Variants in PRELID2 observed in about 807,000 individuals in gnomAD.
PRELID2 encodes PRELI domain containing 2.
Under a neutral mutation model 28.4 loss-of-function variants are expected in PRELID2, and 25 were observed. The observed-to-expected ratio is 0.88, with a 90% CI of 0.64 to 1.23. The LOEUF (loss-of-function observed/expected upper bound fraction) is 1.23, where lower values mean the gene tolerates loss of function less well. Among genes scored for constraint, PRELID2 ranks in the 50% most tolerant of loss-of-function variants. PRELID2 has a pLI of 0.00. For missense variants in PRELID2, 201 were observed against 214.4 expected, an observed-to-expected ratio of 0.94 and a Z score of 0.39; for synonymous variants, 76 against 71.6, an observed-to-expected ratio of 1.06 and a Z score of -0.31.
intron 1 of PRELID2, among the ~76,000 whole-genome samples, chr5:145,549,301 G>C (rs1233373980): frequency 6.6e-6 from 1 of 151,778 alleles, no homozygotes; most frequent in East Asian, 1.9e-4. Context: ...GGACAAAGAG[G>C]GTATTTAAAT....
chr5:145,723,605 T>G lies in PRELID2; in HGVS notation n.70+41326A>C, dbSNP rs569772373. 5.9e-5 allele frequency among the ~76,000 whole-genome samples: 9 copies of G among 152,334 alleles called. No homozygotes were observed. The South Asian group carries it at 8.3e-4, about 14-fold the overall frequency. The stretch of plus-strand genomic sequence containing the variant: ...CCTTAATCATATGAAACTATTTTAA[T>G]TTTACTCATAATAAAAGAAATGCAA... On this transcript the variant is annotated intron_variant and non_coding_transcript_variant, in intron 1 of 2. Coordinates refer to the PRELID2 transcript ENST00000510259.
chr5:145,573,314 A>G (rs953858107), intron 1 of PRELID2, among the ~76,000 whole-genome samples: 3 of 151,976 alleles, frequency 2.0e-5, no homozygotes, highest in Admixed American at 2.0e-4. Context: ...AGAATGTTTC[A>G]GCACCCTCAA....
the PRELID2 span, among the ~76,000 whole-genome samples, chr5:145,450,281 C>T: frequency 6.6e-6 from 1 of 152,126 alleles, no homozygotes; most frequent in Non-Finnish European, 1.5e-5. Context: ...ACAGACACAA[C>T]TGAACTCAAG....
chr5:145,371,491 T>A, the PRELID2 span, among the ~76,000 whole-genome samples: 1 of 152,140 alleles, frequency 6.6e-6, no homozygotes, highest in African/African-American at 2.4e-5. Flanking sequence ...ACATTTTTGA[T>A]GTGCTGCTGG....
At chr5:145,600,434 A>AAAATATATATATATATATATAT (rs1315631607) in intron 1 of PRELID2, among the ~76,000 whole-genome samples, 1 of 120,116 alleles carries the variant, frequency 8.3e-6, no homozygotes, top group African/African-American at 4.1e-5. Flanking sequence ...AAAAAAAAAA[A>AAAATATATATATATATATATAT]ATATATATAT....
At chr5:145,291,342 A>AG in the PRELID2 span, among the ~76,000 whole-genome samples, 1 of 149,406 alleles carries the variant, frequency 6.7e-6, no homozygotes, top group East Asian at 2.0e-4. Flanking sequence ...TTTCAGAAAA[A>AG]AAAAAAAAAA....
At chr5:145,558,214 C>T (rs899231187) in intron 1 of PRELID2, among the ~76,000 whole-genome samples, 3 of 151,978 alleles carry the variant, frequency 2.0e-5, no homozygotes, top group East Asian at 3.9e-4. Flanking sequence ...AATGAGATAA[C>T]GTATTTGAAA....
chr5:145,569,471 G>C (rs1242559286), intron 1 of PRELID2, among the ~76,000 whole-genome samples: 1 of 152,108 alleles, frequency 6.6e-6, no homozygotes, highest in Non-Finnish European at 1.5e-5. Context: ...CATGAAGATA[G>C]AGGCTTGGCT....
chr5:145,694,514 T>A (rs1755216106), intron 1 of PRELID2, among the ~76,000 whole-genome samples: 2 of 152,222 alleles, frequency 1.3e-5, no homozygotes, highest in African/African-American at 4.8e-5. Context: ...CAATAAAATA[T>A]AATGTACAGC....
chr5:145,415,808 G>A, the PRELID2 span, among the ~76,000 whole-genome samples: 1 of 151,892 alleles, frequency 6.6e-6, no homozygotes, highest in Non-Finnish European at 1.5e-5. Context: ...TAATGAGATG[G>A]CTGGGTCAAA....
the PRELID2 span, among the ~76,000 whole-genome samples, chr5:145,368,662 TTA>T: frequency 6.6e-6 from 1 of 151,922 alleles, no homozygotes; most frequent in Non-Finnish European, 1.5e-5. Flanking sequence ...CAATTTTTAT[TTA>T]TCTTTTATTC....
intron 1 of PRELID2, among the ~76,000 whole-genome samples, chr5:145,504,878 C>T (rs964877656): frequency 7.9e-5 from 12 of 152,118 alleles, no homozygotes; most frequent in Non-Finnish European, 1.5e-4. Context: ...CAGCTGAGAA[C>T]CACACAGACT....
chr5:145,427,250 C>T, the PRELID2 span, among the ~76,000 whole-genome samples: 5 of 152,120 alleles, frequency 3.3e-5, no homozygotes, highest in African/African-American at 1.2e-4. Flanking sequence ...TTTAGACAAC[C>T]TCAAAAACAG....
At chr5:145,239,439 G>T in the PRELID2 span, among the ~76,000 whole-genome samples, 1 of 152,060 alleles carries the variant, frequency 6.6e-6, no homozygotes, top group South Asian at 2.1e-4. Flanking sequence ...GTCAGCAGAG[G>T]CCCAGAGGTA....
At chr5:145,755,789 G>C (rs1757241266), downstream of PRELID2, among the ~76,000 whole-genome samples, 1 of 152,102 alleles carries the variant, frequency 6.6e-6, no homozygotes, top group Non-Finnish European at 1.5e-5. Context: ...GCACACAGCA[G>C]ATGCTCAATA....
At chr5:145,447,470 CT>C in the PRELID2 span, among the ~76,000 whole-genome samples, 53,268 of 134,484 alleles carry the variant, frequency 0.4, 9,731 homozygotes, top group Non-Finnish European at 0.43. Context: ...CTGAAATTTT[CT>C]TTTTTTTTTT....
intron 1 of PRELID2, among the ~76,000 whole-genome samples, chr5:145,531,055 A>C (rs541915160): frequency 6.6e-6 from 1 of 152,152 alleles, no homozygotes; most frequent in Non-Finnish European, 1.5e-5. Flanking sequence ...CTTGGGCTTT[A>C]ATTCTGCTGT....
chr5:145,302,155 T>A, the PRELID2 span, among the ~76,000 whole-genome samples: 318 of 152,096 alleles, frequency 2.1e-3, 12 homozygotes, highest in South Asian at 0.044. Flanking sequence ...TTTATTCAAA[T>A]TTTTCTTTCT....
At chr5:145,670,043 A>G (rs1754675510) in intron 1 of PRELID2, among the ~76,000 whole-genome samples, 1 of 152,152 alleles carries the variant, frequency 6.6e-6, no homozygotes, top group Non-Finnish European at 1.5e-5. Flanking sequence ...TCATTAGTCT[A>G]TAAGCCCACT....
Sources: gnomAD v4.1 joint callset for allele counts (sites outside exome capture counted in the v4.1 genomes callset) on GRCh38, gnomAD v4.1.1 for gene constraint, MANE v1.5 for transcripts, NCBI Gene and HGNC (gene_info 2026-07-23, HGNC 2026-07-21) for gene names.